The following PDS5A variants were observed in gnomAD, a reference collection of about 807,000 sequenced individuals.
The protein encoded by PDS5A is PDS5 cohesin associated factor A.
In PDS5A, 42 loss-of-function variants were observed where a neutral mutation model predicts 167.1. The ratio of observed to expected loss-of-function variants is 0.25; its 90% CI spans 0.20 to 0.33. The LOEUF (loss-of-function observed/expected upper bound fraction) is 0.33. Among genes scored for constraint, PDS5A ranks in the 10% least tolerant of loss-of-function variants. The pLI is 1.00. For synonymous variants in PDS5A, 553 were observed against 554.6 expected, an observed-to-expected ratio of 1.00 and a Z score of 0.04; for missense variants, 1,033 against 1,605.9, an observed-to-expected ratio of 0.64 and a Z score of 6.10.
At chr4:39,973,795 T>G in intron 2 of PDS5A, 1 of 1,250,382 alleles carries the variant, frequency 8.0e-7, no homozygotes. Flanking sequence ...AGCACCTCCT[T>G]CAGGTTACTT....
intron 32 of PDS5A, among the ~76,000 whole-genome samples, chr4:39,833,155 C>T (rs114167222): frequency 0.036 from 4,572 of 126,198 alleles, 179 homozygotes; most frequent in East Asian, 0.24. Context: ...CGTGTCGTTG[C>T]ACTCCAGCCT....
At chr4:39,942,195 GTA>G (rs765643704) in intron 2 of PDS5A, among the ~76,000 whole-genome samples, 19 of 151,944 alleles carry the variant, frequency 1.3e-4, no homozygotes, top group Non-Finnish European at 2.5e-4. Context: ...TTATACATAT[GTA>G]TATGTTTATA....
chr4:39,932,825 C>T (rs1326250158), intron 2 of PDS5A: 2 of 140,714 alleles, frequency 1.4e-5, no homozygotes, highest in Non-Finnish European at 3.2e-5. Flanking sequence ...AGCAAGACTC[C>T]ATTTCAAAAA....
At chr4:39,834,087 C>T (rs1293114846) in intron 32 of PDS5A, among the ~76,000 whole-genome samples, 5 of 151,648 alleles carry the variant, frequency 3.3e-5, no homozygotes, top group Non-Finnish European at 1.5e-5. Context: ...CACAGTGGCG[C>T]GTGCCTGTAG....
At chr4:39,863,570 A>G (rs975715250) in intron 23 of PDS5A, 111 bp from the exon 24 acceptor site, 2 of 671,150 alleles carry the variant, frequency 3.0e-6, no homozygotes, top group Non-Finnish European at 4.8e-6. Context: ...TATGTTTAAA[A>G]TGACGTACAA....
chr4:39,899,364 A>G (rs1404553659), intron 14 of PDS5A, among the ~76,000 whole-genome samples: 1 of 152,148 alleles, frequency 6.6e-6, no homozygotes, highest in East Asian at 1.9e-4. Context: ...AATTTGAATA[A>G]TTTAGTTCAA....
intron 9 of PDS5A, among the ~76,000 whole-genome samples, chr4:39,912,175 T>G (rs1168539012): frequency 6.6e-6 from 1 of 152,208 alleles, no homozygotes; most frequent in Non-Finnish European, 1.5e-5. Context: ...ATCAAAACAC[T>G]TAACGCTATA....
chr4:39,846,011 C>G (rs993675786), intron 28 of PDS5A, 131 bp from the exon 29 acceptor site: 1 of 752,034 alleles, frequency 1.3e-6, no homozygotes, highest in Non-Finnish European at 1.8e-6. Flanking sequence ...AACACATATA[C>G]CAATTTATCA....
intron 23 of PDS5A, among the ~76,000 whole-genome samples, chr4:39,865,985 G>C (rs925542365): frequency 6.6e-6 from 1 of 152,216 alleles, no homozygotes; most frequent in Admixed American, 6.5e-5. Context: ...GGCAATTTTA[G>C]AGATTAAAAG....
intron 4 of PDS5A, among the ~76,000 whole-genome samples, chr4:39,926,267 A>C (rs1725454473): frequency 6.6e-6 from 1 of 152,122 alleles, no homozygotes; most frequent in Admixed American, 6.5e-5. Context: ...CACGCCTGTA[A>C]TCCCAGCACT....
chr4:39,946,882 C>T (rs1377520282), intron 2 of PDS5A, among the ~76,000 whole-genome samples: 1 of 152,106 alleles, frequency 6.6e-6, no homozygotes, highest in African/African-American at 2.4e-5. Flanking sequence ...CACTGCACTC[C>T]AGCCTGGGCG....
At chr4:39,840,606 G>A (rs1455637886) in intron 31 of PDS5A, among the ~76,000 whole-genome samples, 3 of 152,158 alleles carry the variant, frequency 2.0e-5, no homozygotes, top group Admixed American at 2.0e-4. Context: ...ACGTTGGCCA[G>A]GCTGGTCTGG....
At chr4:39,939,498 A>T (rs932784410) in intron 2 of PDS5A, among the ~76,000 whole-genome samples, 6 of 147,452 alleles carry the variant, frequency 4.1e-5, no homozygotes, top group African/African-American at 1.5e-4. Flanking sequence ...AATTTTTTTT[A>T]AATAGCTTTA....
intron 32 of PDS5A, among the ~76,000 whole-genome samples, chr4:39,834,722 A>G (rs1007428398): frequency 1.3e-5 from 2 of 152,156 alleles, no homozygotes; most frequent in Admixed American, 6.6e-5. Flanking sequence ...TTATGTTGAG[A>G]AAGTTTCTAT....
At chr4:39,844,847 C>T in intron 29 of PDS5A, 46 bp from the exon 30 acceptor site, 4 of 1,551,568 alleles carry the variant, frequency 2.6e-6, no homozygotes, top group African/African-American at 1.4e-5. Flanking sequence ...CACGTTTATA[C>T]CTTACCATGT....
At chr4:39,919,837 TC>T (rs1185307905) in intron 7 of PDS5A, among the ~76,000 whole-genome samples, 1 of 151,798 alleles carries the variant, frequency 6.6e-6, no homozygotes, top group Non-Finnish European at 1.5e-5. Context: ...GTAGCAACTA[TC>T]ACAATCTTTC....
At position 39,897,511 on chromosome 4, in the gene PDS5A, G is replaced by A. The variant is rs1351753873; in HGVS notation, c.1770+878C>T. ...CCTCCCGAGTTCAAGCAATTCTCCT[G>A]TCTCAGCCTCTTGAGTAGCTCAGAT... is the stretch of plus-strand genomic sequence containing the variant. On this transcript the variant is annotated intron_variant, in intron 16 of 32. Transcript: ENST00000303538. Among the ~76,000 whole-genome samples the A allele has an allele frequency of 3.9e-5, 6 of 152,064 alleles. No individual in the cohort carries two copies. The East Asian group carries it at 1.2e-3, about 29-fold the overall frequency.
At position 39,973,350 on chromosome 4, in the gene PDS5A, T is replaced by C. The variant is rs1730749044; in HGVS notation, c.138+3090A>G. 5 of 1,605,576 alleles carry C rather than the reference T, an allele frequency of 3.1e-6. No individual in the cohort carries two copies. In the South Asian group the frequency reaches 3.3e-5, roughly 11 times the overall value. ...GAACAGCAGGCTGTTGCATTGTAAC[T>C]TGTGGCTGTGCATTAAGATGTTGCT... On this transcript the variant is annotated intron_variant, in intron 2 of 32. Transcript: ENST00000303538.
At chr4:39,900,946 T>C (rs1356974710) in intron 13 of PDS5A, among the ~76,000 whole-genome samples, 2 of 152,184 alleles carry the variant, frequency 1.3e-5, no homozygotes, top group Non-Finnish European at 2.9e-5. Flanking sequence ...CTAAGGCATA[T>C]ACATGAAGCA....
Sources: allele counts gnomAD v4.1 joint callset (sites outside exome capture counted in the v4.1 genomes callset), GRCh38; gene constraint gnomAD v4.1.1; transcripts MANE v1.5; gene names NCBI Gene and HGNC (gene_info 2026-07-23, HGNC 2026-07-21).